The following TMPRSS9 variants were observed in gnomAD, a reference collection of about 807,000 sequenced individuals.
The protein encoded by TMPRSS9 is transmembrane protease serine 9.
Under a neutral mutation model 111.4 loss-of-function variants are expected in TMPRSS9, and 113 were observed. That is an observed-to-expected ratio of 1.01 (90% confidence interval 0.87 to 1.19). The LOEUF (loss-of-function observed/expected upper bound fraction) is 1.19, where lower values mean the gene tolerates loss of function less well. Among genes scored for constraint, TMPRSS9 ranks in the 50% most tolerant of loss-of-function variants. The pLI, the probability that TMPRSS9 is intolerant of heterozygous loss-of-function variation, is 0.00. For synonymous variants in TMPRSS9, 805 were observed against 659.1 expected, an observed-to-expected ratio of 1.22 and a Z score of -3.39; for missense variants, 1,803 against 1,513.1, an observed-to-expected ratio of 1.19 and a Z score of -3.18.
In TMPRSS9 at chr19:2,384,178, G is replaced by A. The variant is rs1970425487; in HGVS notation, c.-25-5583G>A. ...GGTTTCTAATGGGGAAAAGTGTGTT[G>A]GAGGCCAGGCATGAATCATTCTCCG... On this transcript the variant is annotated intron_variant, in intron 1 of 17. Coordinates refer to the TMPRSS9 transcript ENST00000649857. 2.6e-5 allele frequency among the ~76,000 whole-genome samples: 4 copies of A among 152,300 alleles called. No individual in the cohort carries two copies. In the South Asian group the frequency reaches 8.3e-4, roughly 32 times the overall value.
At chr19:2,401,043 G>A (rs1356828998) in intron 4 of TMPRSS9, among the ~76,000 whole-genome samples, 1 of 151,244 alleles carries the variant, frequency 6.6e-6, no homozygotes, top group African/African-American at 2.4e-5. Context: ...AGGAGGCCGA[G>A]GTGGGCAGAT....
intron 1 of TMPRSS9, among the ~76,000 whole-genome samples, chr19:2,379,656 T>TCTTC: frequency 6.7e-6 from 1 of 149,984 alleles, no homozygotes; most frequent in South Asian, 2.1e-4. Flanking sequence ...TTTCTTTCTT[T>TCTTC]CTTTCTTTCT....
intron 1 of TMPRSS9, among the ~76,000 whole-genome samples, chr19:2,382,681 ACACACATG>A (rs771638017): frequency 3.9e-3 from 233 of 59,036 alleles, no homozygotes; most frequent in Non-Finnish European, 6.3e-3. Context: ...GTGCACACAT[ACACACATG>A]CACACATGCA....
exon 9 of TMPRSS9, chr19:2,410,364 C>T (rs749189117): frequency 6.2e-7 from 1 of 1,614,050 alleles, no homozygotes; most frequent in Admixed American, 1.7e-5. Flanking sequence ...TGTGCGCTGG[C>T]TACCTGGACG....
chr19:2,366,739 C>T (rs1970250500), intron 1 of TMPRSS9, among the ~76,000 whole-genome samples: 1 of 151,782 alleles, frequency 6.6e-6, no homozygotes, highest in South Asian at 2.1e-4. Context: ...CACCTGTAGT[C>T]CCAGCTACTC....
chr19:2,414,577 A>G (rs1478195582), intron 10 of TMPRSS9, among the ~76,000 whole-genome samples: 1 of 147,238 alleles, frequency 6.8e-6, no homozygotes, highest in Non-Finnish European at 1.5e-5. Context: ...GTTTGTACCC[A>G]GACAACTTGT....
chr19:2,410,383 G>A, exon 9 of TMPRSS9: 1 of 1,613,876 alleles, frequency 6.2e-7, no homozygotes, highest in Non-Finnish European at 8.5e-7. Context: ...CGGGAAGGTG[G>A]ACTCCTGCCA....
At chr19:2,419,415 G>T (rs1971413226) in intron 13 of TMPRSS9, among the ~76,000 whole-genome samples, 1 of 151,664 alleles carries the variant, frequency 6.6e-6, no homozygotes, top group Non-Finnish European at 1.5e-5. Flanking sequence ...TGTTGGCCAG[G>T]ATGGTCTCGA....
exon 15 of TMPRSS9, chr19:2,424,122 T>C: frequency 7.2e-7 from 1 of 1,382,872 alleles, no homozygotes; most frequent in Non-Finnish European, 9.4e-7. Context: ...CTCACCAGGA[T>C]TGTGGGCGGC....
intron 7 of TMPRSS9, among the ~76,000 whole-genome samples, chr19:2,407,779 C>T (rs1406708332): frequency 6.0e-5 from 9 of 149,046 alleles, no homozygotes; most frequent in African/African-American, 1.2e-4. Context: ...CGCCACACCC[C>T]GCTAATATAT....
intron 13 of TMPRSS9, 112 bp from the exon 15 acceptor site, chr19:2,421,742 T>G (rs1971465860): frequency 8.0e-7 from 1 of 1,247,506 alleles, no homozygotes; most frequent in African/African-American, 1.5e-5. Context: ...CTGTGCCCTC[T>G]GCCCCCCGCC....
At chr19:2,387,552 A>AAGGAAGGG (rs1161373694), upstream of TMPRSS9, among the ~76,000 whole-genome samples, 1 of 146,828 alleles carries the variant, frequency 6.8e-6, no homozygotes, top group Non-Finnish European at 1.5e-5. Flanking sequence ...AGGGAAGGGA[A>AAGGAAGGG]AGGAAGGGAG....
chr19:2,364,756 C>G (rs572129877), intron 1 of TMPRSS9, among the ~76,000 whole-genome samples: 1 of 151,800 alleles, frequency 6.6e-6, no homozygotes, highest in East Asian at 1.9e-4. Context: ...GAGGCTGAGG[C>G]GGGCCGATCA....
upstream of TMPRSS9, among the ~76,000 whole-genome samples, chr19:2,389,103 C>T (rs1863437206): frequency 2.0e-5 from 3 of 146,888 alleles, no homozygotes; most frequent in Non-Finnish European, 4.5e-5. Flanking sequence ...GAGATGGCGT[C>T]TTGCTCTGTC....
At chr19:2,426,230 T>G (rs1395686932) in exon 18 of TMPRSS9, 1 of 927,046 alleles carries the variant, frequency 1.1e-6, no homozygotes, top group Non-Finnish European at 1.6e-6. Flanking sequence ...GGTACCACCC[T>G]TTGTTCCAAT....
At chr19:2,410,030 C>T (rs1032867416) in intron 8 of TMPRSS9, among the ~76,000 whole-genome samples, 14 of 151,996 alleles carry the variant, frequency 9.2e-5, no homozygotes, top group African/African-American at 3.1e-4. Flanking sequence ...ATGAGGACCT[C>T]GGGCTGGGGG....
intron 2 of TMPRSS9, 84 bp downstream of exon 3, chr19:2,396,750 G>T: frequency 6.7e-7 from 1 of 1,501,314 alleles, no homozygotes; most frequent in Non-Finnish European, 8.9e-7. Context: ...CGTGTGGGAG[G>T]GAGGCAGGCC....
chr19:2,418,192 G>A (rs1971296335), intron 13 of TMPRSS9, 54 bp downstream of exon 14: 13 of 1,519,592 alleles, frequency 8.6e-6, no homozygotes, highest in South Asian at 2.3e-5. Context: ...GCCCACAGCC[G>A]TTCACCCAGC....
intron 1 of TMPRSS9, among the ~76,000 whole-genome samples, chr19:2,390,565 G>A (rs1407807850): frequency 6.7e-6 from 1 of 149,276 alleles, no homozygotes; most frequent in African/African-American, 2.4e-5. Flanking sequence ...TTATAAAACC[G>A]AGCAACTGGG....
Sources: gnomAD v4.1 joint callset for allele counts (sites outside exome capture counted in the v4.1 genomes callset) on GRCh38, gnomAD v4.1.1 for gene constraint, MANE v1.5 for transcripts, NCBI Gene and HGNC (gene_info 2026-07-23, HGNC 2026-07-21) for gene names.